Variants in BUB3 observed in about 807,000 individuals in gnomAD.
The protein encoded by BUB3 is BUB3 mitotic checkpoint protein, also known as mitotic checkpoint protein BUB3.
In BUB3, 22 loss-of-function variants were observed where a neutral mutation model predicts 39.9. That is an observed-to-expected ratio of 0.55 (90% CI 0.39 to 0.79). The LOEUF is 0.79. Ranked by LOEUF, BUB3 falls within the 30% of genes least tolerant of loss-of-function variation. The pLI is 0.00. For synonymous variants in BUB3, 168 were observed against 155.1 expected (o/e 1.08, Z -0.62); for missense variants, 303 against 415.4 (o/e 0.73, Z 2.35).
chr10:123,159,141 A>G (rs1844387242), intron 4 of BUB3, among the ~76,000 whole-genome samples: 1 of 152,206 alleles, frequency 6.6e-6, no homozygotes, highest in African/African-American at 2.4e-5. Flanking sequence ...TGACATTTAT[A>G]TCTGCTTATA....
chr10:123,163,677 C>A, intron 7 of BUB3, 143 bp from the exon 8 acceptor site: 1 of 669,048 alleles, frequency 1.5e-6, no homozygotes, highest in Non-Finnish European at 2.5e-6. Context: ...TATGCTTTTA[C>A]AGGTTTGACT....
At chr10:123,154,558 G>A (rs1844319949) in intron 1 of BUB3, 73 bp downstream of exon 1, 1 of 186,746 alleles carries the variant, frequency 5.4e-6, no homozygotes, top group Non-Finnish European at 1.1e-5. Flanking sequence ...TGGCAGGGCC[G>A]TTCGATTCGC....
intron 5 of BUB3, among the ~76,000 whole-genome samples, chr10:123,161,628 A>G (rs1255875057): frequency 1.3e-5 from 2 of 152,258 alleles, no homozygotes; most frequent in African/African-American, 4.8e-5. Flanking sequence ...TTAAAAAATC[A>G]TAGATTTCAT....
chr10:123,154,800 G>C (rs1357811621), intron 1 of BUB3, 118 bp from the exon 2 acceptor site: 2 of 1,108,750 alleles, frequency 1.8e-6, no homozygotes, highest in African/African-American at 1.6e-5. Flanking sequence ...CGCAAGCGCA[G>C]AGTCTCCTCG....
intron 4 of BUB3, 145 bp from the exon 5 acceptor site, chr10:123,160,262 C>A: frequency 1.6e-6 from 1 of 615,904 alleles, no homozygotes; most frequent in Non-Finnish European, 2.6e-6. Flanking sequence ...TGAATAATTG[C>A]AGTATCTAAA....
In BUB3 at chr10:123,154,999, C is replaced by T; in HGVS notation, c.82C>T (p.Gln28Ter). The change falls in exon 2 of 8, where the codon CAG becomes TAG. Residue 28 changes from glutamine (Q) to a stop codon, truncating the protein, a stop_gained. Transcript: ENST00000368865. LOFTEE classifies it high-confidence loss of function. Reference protein sequence around the residue: ...SSVKFSPNTSQFLLVSSWDTS... With the variant: ...SSVKFSPNTS ...CGTGAAGTTCAGCCCCAACACCTCC[C>T]AGTTCCTGCTTGTCTCCTCCTGGGA... is the stretch of plus-strand genomic sequence containing the variant. 1 of 1,614,202 alleles carries T rather than the reference C, an allele frequency of 6.2e-7. No homozygotes were observed. The highest frequency in any genetic ancestry group is 1.1e-5 in the South Asian group (1 of 91,084).
intron 3 of BUB3, among the ~76,000 whole-genome samples, chr10:123,156,916 G>C (rs895911850): frequency 3.9e-5 from 6 of 151,960 alleles, no homozygotes; most frequent in African/African-American, 1.4e-4. Flanking sequence ...GCTAATTTTT[G>C]TATTTTTTAG....
rs1276195985 is a variant in BUB3, at chr10:123,168,532, T to G, written c.*4697T>G. On this transcript the variant is annotated 3_prime_UTR_variant, in exon 8 of 8. Transcript: ENST00000368865. ...CCCAAAACAAATTCATAAACTTTTGTAAAACGTGAGATTTTTTGTGATTTT... is the reference window on the plus strand; with the variant it reads ...CCCAAAACAAATTCATAAACTTTTGGAAAACGTGAGATTTTTTGTGATTTT... 2.6e-5 allele frequency: 4 copies of G among 152,104 alleles called. No homozygotes were observed. Among genetic ancestry groups the G allele is most frequent in the Non-Finnish European group, 5.9e-5 (4 of 68,010 alleles). 9.4% of individuals were successfully genotyped at this position (152,104 alleles called of 1,614,324 possible).
rs1398059207 is a variant in BUB3 at position 123,165,751 on chromosome 10, A to G, written c.*1916A>G. 1 of 152,228 alleles carries G rather than the reference A, an allele frequency of 6.6e-6. No homozygotes were observed. The highest frequency in any genetic ancestry group is 1.9e-4 in the East Asian group (1 of 5,192). The allele number at this position is 152,228 out of a possible 1,614,324, so 9.4% of individuals were successfully genotyped here. On this transcript the variant is annotated 3_prime_UTR_variant, in exon 8 of 8. Transcript: ENST00000368865. ...GTGTTGATGTAGTCATAGTCCACAC[A>G]GAGCCAAATAACAGACCCTTCTGTA...
chr10:123,154,841 G>C, intron 1 of BUB3, 77 bp from the exon 2 acceptor site: 2 of 1,487,290 alleles, frequency 1.3e-6, no homozygotes, highest in Non-Finnish European at 9.1e-7. Flanking sequence ...CCCTCTGGGG[G>C]GACCCCCAGT....
chr10:123,169,071 G>T lies in BUB3; in HGVS notation c.*5236G>T, dbSNP rs1416738636. 6.6e-6 allele frequency: 1 copy of T among 152,224 alleles called. No individual in the cohort carries two copies. The allele number at this position is 152,224 out of a possible 1,614,324, so 9.4% of individuals were successfully genotyped here. Reference sequence around the variant, plus strand: ...GAGGGAAAATGGCAACTTCAAATTTGCACCCCCAGGTATCATGTGGGCAGG... The same window carrying T: ...GAGGGAAAATGGCAACTTCAAATTTTCACCCCCAGGTATCATGTGGGCAGG... On this transcript the variant is annotated 3_prime_UTR_variant, in exon 8 of 8. Coordinates refer to ENST00000368865, the MANE Select transcript of BUB3 (RefSeq NM_004725.4).
Position 123,160,558 on chromosome 10 carries a change from A to G in BUB3, c.569A>G (p.Asn190Ser), listed in dbSNP as rs1161842434. The G allele has an allele frequency of 6.3e-7, 1 of 1,596,160 alleles. No individual in the cohort carries two copies. The highest frequency in any genetic ancestry group is 1.4e-5 in the African/African-American group (1 of 73,866). ...ACTCGCTGCATACGAGCGTTTCCAAACAAGCAGGTATTGAACTATACCTCC... is the reference window on the plus strand; with the variant it reads ...ACTCGCTGCATACGAGCGTTTCCAAGCAAGCAGGTATTGAACTATACCTCC... ...YQTRCIRAFP[N>S]KQGYVLSSIE... The change falls in exon 5 of 8, where the codon AAC becomes AGC. Residue 190 changes from asparagine (N) to serine (S), a missense_variant. Transcript: ENST00000368865.
Position 123,163,998 on chromosome 10 carries a change from TAAAC to T in BUB3, c.*165_*168del, listed in dbSNP as rs978653301. ...AGGTTTTTGAATTTTTTTTTTTAAA[TAAAC>T]ACCTTCTTAAGTGCATGAGATGGTT... On this transcript the variant is annotated 3_prime_UTR_variant, in exon 8 of 8. Transcript: ENST00000368865. 20 of 1,331,578 alleles carry T rather than the reference TAAAC, an allele frequency of 1.5e-5. No individual in the cohort carries two copies. In the African/African-American group the frequency reaches 1.5e-4, roughly 10 times the overall value. The allele number at this position is 1,331,578 out of a possible 1,614,324, so 82.5% of individuals were successfully genotyped here.
Position 123,160,482 on chromosome 10 carries a change from C to CG in BUB3, c.495dup (p.Asn166GlufsTer35). ...CCGCAGAGTGTTGGTGTGGGACTTA[C>CG]GGAACATGGGTTACGTGCAGCAGCG... On this transcript the variant is annotated frameshift_variant, in exon 5 of 8. Coordinates refer to ENST00000368865, the MANE Select transcript of BUB3 (RefSeq NM_004725.4). LOFTEE classifies it high-confidence loss of function. The CG allele has an allele frequency of 6.2e-7, 1 of 1,613,374 alleles. No homozygotes were observed. Among genetic ancestry groups the CG allele is most frequent in the Non-Finnish European group, 8.5e-7 (1 of 1,179,912 alleles).
rs1844512696 is a variant in BUB3, at chr10:123,168,313, T to C, written c.*4478T>C. The C allele has an allele frequency of 6.6e-6, 1 of 152,218 alleles. No homozygotes were observed. Among genetic ancestry groups the C allele is most frequent in the Admixed American group, 6.5e-5 (1 of 15,290 alleles). The allele number at this position is 152,218 out of a possible 1,614,324, so 9.4% of individuals were successfully genotyped here. ...ACAGCAAAAGTTTTTGTTAGCTACA[T>C]CATGTGAAATGCCTGGGTAGACAAA... On this transcript the variant is annotated 3_prime_UTR_variant, in exon 8 of 8. Coordinates refer to ENST00000368865, the MANE Select transcript of BUB3 (RefSeq NM_004725.4).
At position 123,154,963 on chromosome 10, in the gene BUB3, G is replaced by A. The variant is rs1844328867; in HGVS notation, c.46G>A (p.Gly16Ser). 1.2e-6 allele frequency: 2 copies of A among 1,614,056 alleles called. No homozygotes were observed. The highest frequency in any genetic ancestry group is 2.7e-5 in the African/African-American group (2 of 74,946). The change falls in exon 2 of 8, where the codon GGC becomes AGC. Residue 16 changes from glycine (G) to serine (S), a missense_variant. By Grantham distance (56) the Gly-to-Ser change is moderately conservative (BLOSUM62 0). Transcript: ENST00000368865. The stretch of plus-strand genomic sequence containing the variant: ...CAAGCTGAACCAGCCACCCGAGGAT[G>A]GCATCTCCTCCGTGAAGTTCAGCCC... ...EFKLNQPPED[G>S]ISSVKFSPNT...
chr10:123,157,740 G>T lies in BUB3; in HGVS notation c.277G>T (p.Gly93Trp). ...TTTTTTCTCTATAGAAAATCTTGTT[G>T]GGACCCATGATGCCCCTATCAGATG... ...DLNTDQENLV[G>W]THDAPIRCVE... The change falls in exon 4 of 8, where the codon GGG (glycine) becomes TGG (tryptophan). Residue 93 changes from glycine to tryptophan, a missense_variant. Gly to Trp is a radical substitution (Grantham distance 184). Coordinates refer to ENST00000368865, the MANE Select transcript of BUB3 (RefSeq NM_004725.4). 6.3e-7 allele frequency: 1 copy of T among 1,588,598 alleles called. No individual in the cohort carries two copies. The highest frequency in any genetic ancestry group is 8.6e-7 in the Non-Finnish European group (1 of 1,166,838).
At chr10:123,162,549 G>A in intron 6 of BUB3, 63 bp from the exon 7 acceptor site, 1 of 1,565,262 alleles carries the variant, frequency 6.4e-7, no homozygotes, top group Non-Finnish European at 8.7e-7. Context: ...TAACTGTTAA[G>A]AGAATGGTTA....
chr10:123,160,437 C>G lies in BUB3; in HGVS notation c.448C>G (p.Leu150Val). 1 of 1,611,152 alleles carries G rather than the reference C, an allele frequency of 6.2e-7. No individual in the cohort carries two copies. The highest frequency in any genetic ancestry group is 8.5e-7 in the Non-Finnish European group (1 of 1,179,298). ...TACCCTCTCAGTGTCTGGAGACCGG[C>G]TGATTGTGGGAACAGCAGGCCGCAG... ...VYTLSVSGDR[L>V]IVGTAGRRVL... The change falls in exon 5 of 8, where the codon CTG becomes GTG. Residue 150 changes from leucine (L) to valine (V), a missense_variant. Physicochemically the swap from Leu to Val is conservative, Grantham distance 32. Around this residue, in one of 2 missense-constraint regions of BUB3, gnomAD observed 182 missense variants for 293.1 expected, o/e 0.62. Coordinates refer to ENST00000368865, the MANE Select transcript of BUB3 (RefSeq NM_004725.4).
Sources: allele counts gnomAD v4.1 joint callset (sites outside exome capture counted in the v4.1 genomes callset), GRCh38; gene constraint gnomAD v4.1.1; regional missense constraint gnomAD v4.1.1; transcripts MANE v1.5; gene names NCBI Gene and HGNC (gene_info 2026-07-23, HGNC 2026-07-21).